The following MAGI1 variants were observed in gnomAD, a reference collection of about 807,000 sequenced individuals.
The protein encoded by MAGI1 is membrane associated guanylate kinase, WW and PDZ domain containing 1, also known as membrane-associated guanylate kinase, WW and PDZ domain-containing protein 1.
MAGI1 carries 58 observed loss-of-function variants against 139.9 expected under a neutral mutation model. The ratio of observed to expected loss-of-function variants is 0.41; its 90% CI spans 0.34 to 0.52. MAGI1 has a LOEUF of 0.52. Ranked by LOEUF, MAGI1 falls within the 20% of genes least tolerant of loss-of-function variation. The probability of loss-of-function intolerance (pLI) is 0.12; values close to 1 mark genes in which losing one functional copy is unlikely to be tolerated. For missense variants in MAGI1, 1,874 were observed against 1,901.6 expected (o/e 0.99, Z 0.27); for synonymous variants, 812 against 737.9 (o/e 1.10, Z -1.63).
intron 1 of MAGI1, among the ~76,000 whole-genome samples, chr3:65,815,312 T>C (rs558379463): frequency 2.0e-5 from 3 of 152,330 alleles, no homozygotes; most frequent in Admixed American, 2.0e-4. Context: ...CTACCAGCCT[T>C]AGCTGTTTCT....
chr3:65,780,270 C>G (rs528712517), intron 1 of MAGI1, among the ~76,000 whole-genome samples: 9 of 152,168 alleles, frequency 5.9e-5, no homozygotes, highest in African/African-American at 1.2e-4. Flanking sequence ...GTGATCCCCC[C>G]GCTTCAATCT....
intron 2 of MAGI1, among the ~76,000 whole-genome samples, chr3:65,509,062 T>G (rs2077429906): frequency 6.6e-6 from 1 of 152,236 alleles, no homozygotes; most frequent in East Asian, 1.9e-4. Context: ...CTTAACCTAT[T>G]TATCTAGCAG....
Position 65,478,353 on chromosome 3 carries a change from C to T in MAGI1, c.757+239G>A, listed in dbSNP as rs139554226. ...TGATTTCTCGTTTGCCTTCTTCATA[C>T]ATTCACCCCCAGCTCCTTTAAGGTA... On this transcript the variant is annotated intron_variant, in intron 4 of 22. Coordinates refer to ENST00000402939, the MANE Select transcript of MAGI1 (RefSeq NM_001033057.2). 2.6e-5 allele frequency among the ~76,000 whole-genome samples: 4 copies of T among 152,284 alleles called. No individual in the cohort carries two copies. The East Asian group carries it at 7.7e-4, about 29-fold the overall frequency.
At chr3:65,619,898 G>C in intron 2 of MAGI1, 1 of 985,118 alleles carries the variant, frequency 1.0e-6, no homozygotes, top group Non-Finnish European at 1.2e-6. Context: ...CCAAATTCCT[G>C]ATTTACTGGT....
chr3:65,977,555 A>G (rs2065328464), intron 1 of MAGI1, among the ~76,000 whole-genome samples: 1 of 152,102 alleles, frequency 6.6e-6, no homozygotes, highest in Admixed American at 6.6e-5. Flanking sequence ...TACTAAAAAT[A>G]CAAAAATGAG....
intron 1 of MAGI1, among the ~76,000 whole-genome samples, chr3:65,973,379 T>C (rs1576317007): frequency 6.6e-6 from 1 of 152,140 alleles, no homozygotes; most frequent in Admixed American, 6.6e-5. Flanking sequence ...AAAATTTCCT[T>C]TGGGTTGTAC....
intron 18 of MAGI1, chr3:65,371,898 T>C: frequency 2.2e-6 from 1 of 448,816 alleles, no homozygotes; most frequent in Non-Finnish European, 4.5e-6. Flanking sequence ...ATTCTACTTC[T>C]CTTGCTATTT....
chr3:65,665,448 G>A (rs1381161777), intron 1 of MAGI1, among the ~76,000 whole-genome samples: 1 of 152,132 alleles, frequency 6.6e-6, no homozygotes, highest in African/African-American at 2.4e-5. Context: ...TGCTGTAAAG[G>A]ATCAGGAAAG....
chr3:65,771,073 A>G (rs537355222), intron 1 of MAGI1, among the ~76,000 whole-genome samples: 6 of 152,032 alleles, frequency 3.9e-5, no homozygotes, highest in African/African-American at 1.4e-4. Flanking sequence ...TTGGGAGGCC[A>G]AGGCGGGCAG....
chr3:65,763,787 G>A (rs1044575184), intron 1 of MAGI1, among the ~76,000 whole-genome samples: 3 of 151,696 alleles, frequency 2.0e-5, no homozygotes, highest in Non-Finnish European at 4.4e-5. Flanking sequence ...AGAAAATCCT[G>A]AGGCCAGGCA....
intron 2 of MAGI1, among the ~76,000 whole-genome samples, chr3:65,505,849 T>C (rs1354739516): frequency 6.6e-6 from 1 of 152,078 alleles, no homozygotes; most frequent in Non-Finnish European, 1.5e-5. Flanking sequence ...AAAAAAACTC[T>C]TACACTGCAG....
At chr3:65,712,419 T>C (rs1251257000) in intron 1 of MAGI1, among the ~76,000 whole-genome samples, 2 of 141,404 alleles carry the variant, frequency 1.4e-5, no homozygotes, top group Non-Finnish European at 3.0e-5. Context: ...CAGCTGCAGC[T>C]ACCATCTGGC....
chr3:65,549,423 CG>C (rs2079703976), intron 2 of MAGI1: 1 of 985,044 alleles, frequency 1.0e-6, no homozygotes, highest in Non-Finnish European at 1.2e-6. Context: ...GGCCCCGGAG[CG>C]GCCCCGGAGT....
chr3:65,416,314 T>C (rs754272499), intron 12 of MAGI1, among the ~76,000 whole-genome samples: 3 of 152,150 alleles, frequency 2.0e-5, no homozygotes, highest in Non-Finnish European at 4.4e-5. Flanking sequence ...CACAAAGTCA[T>C]AGCTGGTCCA....
intron 1 of MAGI1, among the ~76,000 whole-genome samples, chr3:65,650,916 G>A (rs1275640163): frequency 6.6e-6 from 1 of 152,106 alleles, no homozygotes; most frequent in Non-Finnish European, 1.5e-5. Context: ...AGTTATCAAC[G>A]TGTAAAATAA....
At chr3:65,900,592 T>C (rs2061184380) in intron 1 of MAGI1, among the ~76,000 whole-genome samples, 1 of 152,122 alleles carries the variant, frequency 6.6e-6, no homozygotes. Flanking sequence ...GAACTTGAAA[T>C]TGGCGTGAAG....
chr3:65,582,806 T>C (rs1251274556), intron 2 of MAGI1, among the ~76,000 whole-genome samples: 2 of 152,120 alleles, frequency 1.3e-5, no homozygotes, highest in Non-Finnish European at 2.9e-5. Context: ...TGAATGTGTG[T>C]TTTCCAAAGA....
intron 5 of MAGI1, among the ~76,000 whole-genome samples, chr3:65,456,660 T>A (rs1337026066): frequency 6.6e-6 from 1 of 152,210 alleles, no homozygotes; most frequent in African/African-American, 2.4e-5. Flanking sequence ...TGTTTTACAT[T>A]TCAGAGTCTG....
In MAGI1 at chr3:65,622,082, C is replaced by G; in HGVS notation, c.320G>C (p.Arg107Thr). Residue 107 changes from arginine to threonine, a missense_variant, in exon 2 of 23, where the codon AGG (arginine) becomes ACG (threonine). Coordinates refer to ENST00000402939, the MANE Select transcript of MAGI1 (RefSeq NM_001033057.2). ...AAAATGTCGCAGGTCCTTGTTCAGC[C>G]TTCCTCCTGCAGGAAATACATAAAA... Reference protein sequence around the residue: ...VTFKAVRQGGRLNKDLRHFLN... With the variant: ...VTFKAVRQGGTLNKDLRHFLN... 1 of 1,610,008 alleles carries G rather than the reference C, an allele frequency of 6.2e-7. No individual in the cohort carries two copies. Among genetic ancestry groups the G allele is most frequent in the Non-Finnish European group, 8.5e-7 (1 of 1,176,312 alleles).
Sources: allele counts gnomAD v4.1 joint callset (sites outside exome capture counted in the v4.1 genomes callset), GRCh38; gene constraint gnomAD v4.1.1; transcripts MANE v1.5; gene names NCBI Gene and HGNC (gene_info 2026-07-23, HGNC 2026-07-21).